The following PTPRD variants were observed in gnomAD, a reference collection of about 807,000 sequenced individuals.
PTPRD encodes receptor-type tyrosine-protein phosphatase delta.
A neutral mutation model predicts 214.5 loss-of-function variants in PTPRD; 34 were observed. That is an observed-to-expected ratio of 0.16 (90% CI 0.12 to 0.21). The LOEUF is 0.21. Among genes scored for constraint, PTPRD ranks in the 10% least tolerant of loss-of-function variants. The pLI is 1.00. For synonymous variants in PTPRD, 1,128 were observed against 845.7 expected (o/e 1.33, Z -5.79); for missense variants, 2,545 against 2,398.7 (o/e 1.06, Z -1.27).
intron 11 of PTPRD, among the ~76,000 whole-genome samples, chr9:8,770,678 C>G (rs7031704): frequency 0.046 from 7,023 of 152,050 alleles, 412 homozygotes; most frequent in African/African-American, 0.13. Flanking sequence ...TAAATACTTT[C>G]GTGGAAATAT....
intron 8 of PTPRD, among the ~76,000 whole-genome samples, chr9:9,573,346 G>A (rs1404029335): frequency 6.6e-6 from 1 of 150,990 alleles, no homozygotes; most frequent in African/African-American, 2.4e-5. Context: ...TGAAGATATT[G>A]CTTATGCTCT....
At chr9:9,397,703 C>T (rs771275070) in intron 8 of PTPRD, among the ~76,000 whole-genome samples, 1 of 151,866 alleles carries the variant, frequency 6.6e-6, no homozygotes, top group Non-Finnish European at 1.5e-5. Context: ...ATTCAAAAAT[C>T]TTTTTTATAG....
At chr9:10,413,669 G>C (rs2098459331) in intron 2 of PTPRD, among the ~76,000 whole-genome samples, 1 of 152,060 alleles carries the variant, frequency 6.6e-6, no homozygotes, top group East Asian at 1.9e-4. Context: ...CGAGCAAAAA[G>C]AACAAAGCTG....
chr9:8,837,700 C>T (rs932973556), intron 11 of PTPRD, among the ~76,000 whole-genome samples: 2 of 151,400 alleles, frequency 1.3e-5, no homozygotes, highest in Non-Finnish European at 2.9e-5. Flanking sequence ...TGAGATCTTG[C>T]TATGTTGCCC....
intron 11 of PTPRD, among the ~76,000 whole-genome samples, chr9:8,823,814 T>C (rs1001339422): frequency 6.6e-6 from 1 of 152,146 alleles, no homozygotes; most frequent in African/African-American, 2.4e-5. Flanking sequence ...GAGTTTGCAG[T>C]GCAAAGTGAA....
chr9:9,576,542 C>A (rs535610318), intron 7 of PTPRD, among the ~76,000 whole-genome samples: 1 of 152,094 alleles, frequency 6.6e-6, no homozygotes, highest in Non-Finnish European at 1.5e-5. Context: ...TTGAGATGCT[C>A]GTACTTTAAA....
At chr9:10,086,442 C>G (rs1251314914) in intron 3 of PTPRD, among the ~76,000 whole-genome samples, 1 of 151,704 alleles carries the variant, frequency 6.6e-6, no homozygotes, top group Admixed American at 6.6e-5. Flanking sequence ...AGTCCTAGTT[C>G]AAACTATTGC....
chr9:9,293,593 C>T (rs1300024239), intron 9 of PTPRD, among the ~76,000 whole-genome samples: 2 of 151,346 alleles, frequency 1.3e-5, no homozygotes, highest in African/African-American at 2.4e-5. Context: ...TGGTTTTAGG[C>T]CCTCTCAGTT....
chr9:9,440,304 T>A (rs2087032269), intron 8 of PTPRD, among the ~76,000 whole-genome samples: 1 of 152,226 alleles, frequency 6.6e-6, no homozygotes, highest in African/African-American at 2.4e-5. Flanking sequence ...TAAATTATTT[T>A]TCCTTTGGTT....
chr9:9,470,453 C>G (rs2146455577), intron 8 of PTPRD, among the ~76,000 whole-genome samples: 1 of 152,156 alleles, frequency 6.6e-6, no homozygotes, highest in East Asian at 1.9e-4. Flanking sequence ...ACTTTGAATT[C>G]TTTAAATGCC....
At chr9:9,746,219 G>C (rs2154460083) in intron 6 of PTPRD, among the ~76,000 whole-genome samples, 1 of 152,130 alleles carries the variant, frequency 6.6e-6, no homozygotes, top group African/African-American at 2.4e-5. Context: ...GGTAAGCTAA[G>C]CACATATAAA....
Position 9,684,693 on chromosome 9 carries a change from T to TTGTGTGTGTGTG in PTPRD, c.-287+49828_-287+49839dup, listed in dbSNP as rs138242584. On this transcript the variant is annotated intron_variant, in intron 7 of 45. Coordinates refer to ENST00000381196, the MANE Select transcript of PTPRD (RefSeq NM_002839.4). ...TTTTATAAGCATTGAAATACAGCAT[T>TTGTGTGTGTGTG]TGTGTGTGTGTGTGTGTATGTGTGT... is the stretch of plus-strand genomic sequence containing the variant. Among the ~76,000 whole-genome samples, 704 of 149,140 alleles carry TTGTGTGTGTGTG rather than the reference T, an allele frequency of 4.7e-3. 6 individuals are homozygous for TTGTGTGTGTGTG. Among genetic ancestry groups the TTGTGTGTGTGTG allele is most frequent in the African/African-American group, 0.016 (670 of 40,972 alleles).
chr9:9,405,968 C>T (rs1018817915), intron 8 of PTPRD, among the ~76,000 whole-genome samples: 1 of 151,808 alleles, frequency 6.6e-6, no homozygotes, highest in African/African-American at 2.4e-5. Flanking sequence ...AAAAAAATTG[C>T]AAGTTTGCCA....
At chr9:9,244,875 G>T (rs2099972258) in intron 9 of PTPRD, among the ~76,000 whole-genome samples, 1 of 152,138 alleles carries the variant, frequency 6.6e-6, no homozygotes, top group African/African-American at 2.4e-5. Flanking sequence ...GAAAATTTCT[G>T]CAATCTACTC....
At position 10,141,193 on chromosome 9, in the gene PTPRD, G is replaced by C. The variant is rs866401145; in HGVS notation, c.-544-107403C>G. 4.4e-3 allele frequency among the ~76,000 whole-genome samples: 672 copies of C among 152,166 alleles called. 4 individuals carry two copies. Among genetic ancestry groups the C allele is most frequent in the African/African-American group, 0.015 (621 of 41,490 alleles). ...GCATTCCCTTTGAAAACTGGCACAA[G>C]ACAGGGATGCCCTCTCTCACCACTC... On this transcript the variant is annotated intron_variant, in intron 3 of 45. Coordinates refer to ENST00000381196, the MANE Select transcript of PTPRD (RefSeq NM_002839.4).
chr9:10,224,315 T>C (rs1346225181), intron 3 of PTPRD, among the ~76,000 whole-genome samples: 5 of 152,024 alleles, frequency 3.3e-5, no homozygotes, highest in Non-Finnish European at 5.9e-5. Flanking sequence ...CACAAATTTG[T>C]ATGGATTAGA....
At chr9:9,725,123 G>A (rs953356978) in intron 7 of PTPRD, among the ~76,000 whole-genome samples, 1 of 152,062 alleles carries the variant, frequency 6.6e-6, no homozygotes, top group Admixed American at 6.6e-5. Flanking sequence ...TGCTTCAAAG[G>A]TGATATGGTT....
At chr9:9,972,513 C>T (rs1199720458) in intron 4 of PTPRD, among the ~76,000 whole-genome samples, 5 of 152,104 alleles carry the variant, frequency 3.3e-5, no homozygotes, top group Non-Finnish European at 7.4e-5. Flanking sequence ...TACTTGAGTG[C>T]CTATTTGTAC....
intron 3 of PTPRD, among the ~76,000 whole-genome samples, chr9:10,164,869 G>C (rs1203861220): frequency 6.6e-6 from 1 of 150,444 alleles, no homozygotes. Context: ...AGCTTGGAAG[G>C]GGACATGGAA....
Sources: gnomAD v4.1 joint callset for allele counts (sites outside exome capture counted in the v4.1 genomes callset) on GRCh38, gnomAD v4.1.1 for gene constraint, MANE v1.5 for transcripts, NCBI Gene and HGNC (gene_info 2026-07-23, HGNC 2026-07-21) for gene names.